DGKI: variants seen among roughly 807,000 people sequenced by gnomAD.
The protein encoded by DGKI is diacylglycerol kinase iota.
In DGKI, 55 loss-of-function variants were observed where a neutral mutation model predicts 147.5. That is an observed-to-expected ratio of 0.37 (90% CI 0.30 to 0.47). The LOEUF (loss-of-function observed/expected upper bound fraction) is 0.47. DGKI is among the 20% of genes least tolerant of loss of function. The pLI, the probability that DGKI is intolerant of heterozygous loss-of-function variation, is 1.00. For synonymous variants in DGKI, 469 were observed against 477.1 expected, an observed-to-expected ratio of 0.98 and a Z score of 0.22; for missense variants, 1,007 against 1,323.8, an observed-to-expected ratio of 0.76 and a Z score of 3.71.
chr7:137,658,144 C>G (rs535820130), intron 3 of DGKI, among the ~76,000 whole-genome samples: 1 of 152,252 alleles, frequency 6.6e-6, no homozygotes, highest in Admixed American at 6.5e-5. Flanking sequence ...TGAACAGTGT[C>G]TTGTTCTACT....
At chr7:137,830,537 A>C (rs1563217714) in intron 1 of DGKI, among the ~76,000 whole-genome samples, 1 of 152,202 alleles carries the variant, frequency 6.6e-6, no homozygotes, top group East Asian at 1.9e-4. Context: ...TTAGTGCTGC[A>C]TTTTTATGAA....
chr7:137,633,346 C>A (rs1404258967), intron 6 of DGKI, among the ~76,000 whole-genome samples: 2 of 151,818 alleles, frequency 1.3e-5, no homozygotes, highest in African/African-American at 2.4e-5. Context: ...GACTTGGAAA[C>A]TGGCACAACC....
chr7:137,434,565 A>G (rs1182749805), intron 28 of DGKI, among the ~76,000 whole-genome samples: 1 of 152,236 alleles, frequency 6.6e-6, no homozygotes, highest in African/African-American at 2.4e-5. Flanking sequence ...TGGGTGACAG[A>G]GCAAGACTTC....
intron 27 of DGKI, among the ~76,000 whole-genome samples, chr7:137,455,840 T>C (rs944636709): frequency 1.3e-5 from 2 of 152,080 alleles, no homozygotes; most frequent in Non-Finnish European, 2.9e-5. Flanking sequence ...CCCTCTCACA[T>C]TCCTCAACTC....
chr7:137,638,745 CTA>C (rs1163627160), intron 6 of DGKI, among the ~76,000 whole-genome samples: 1 of 148,414 alleles, frequency 6.7e-6, no homozygotes, highest in Admixed American at 6.7e-5. Flanking sequence ...ATGTAAATAA[CTA>C]TAACATGTTA....
At chr7:137,594,069 CAG>C (rs1302724831) in intron 12 of DGKI, among the ~76,000 whole-genome samples, 1 of 152,148 alleles carries the variant, frequency 6.6e-6, no homozygotes, top group Admixed American at 6.5e-5. Flanking sequence ...TTTCTTGAGA[CAG>C]AGTCTCACTG....
intron 1 of DGKI, among the ~76,000 whole-genome samples, chr7:137,752,760 C>A (rs559679058): frequency 6.6e-6 from 1 of 152,238 alleles, no homozygotes; most frequent in South Asian, 2.1e-4. Context: ...GAACAGGAAT[C>A]GCTCACTTGG....
intron 7 of DGKI, among the ~76,000 whole-genome samples, chr7:137,622,271 C>T (rs772020313): frequency 6.6e-6 from 1 of 152,132 alleles, no homozygotes; most frequent in Non-Finnish European, 1.5e-5. Context: ...ATGTCCATTT[C>T]ATATGTTTCA....
chr7:137,842,229 A>G (rs1798565412), intron 1 of DGKI, among the ~76,000 whole-genome samples: 1 of 152,232 alleles, frequency 6.6e-6, no homozygotes, highest in African/African-American at 2.4e-5. Context: ...ATTGATTACA[A>G]TGCAAGGAAG....
At chr7:137,523,395 CATAT>C (rs1295019219) in intron 20 of DGKI, among the ~76,000 whole-genome samples, 1 of 152,030 alleles carries the variant, frequency 6.6e-6, no homozygotes, top group East Asian at 1.9e-4. Context: ...ACTATAGATA[CATAT>C]GTGCACACTC....
chr7:137,646,915 T>G (rs1269625338), intron 5 of DGKI, among the ~76,000 whole-genome samples: 1 of 152,060 alleles, frequency 6.6e-6, no homozygotes, highest in African/African-American at 2.4e-5. Flanking sequence ...CCACCTCTAT[T>G]TCTCTTAATA....
rs192412879 is a variant in DGKI, at chr7:137,578,366, T to C, written c.1643-41A>G. 2.5e-3 allele frequency: 3,723 copies of C among 1,491,670 alleles called. 15 individuals carry two copies. The highest frequency in any genetic ancestry group is 3.2e-3 in the Non-Finnish European group (3,470 of 1,068,954). 92.4% of individuals were successfully genotyped at this position (1,491,670 alleles called of 1,614,324 possible). A position where few individuals can be genotyped will look rare whatever the true frequency, so the allele number is the denominator to read the frequency against. On this transcript the variant is annotated intron_variant, in intron 15 of 32. Coordinates refer to ENST00000614521, the MANE Select transcript of DGKI (RefSeq NM_001321708.2). ...AGTAGTTTTGTTATGGAGACCTCACTAAAGGTAGCGACTTAGATTAGCACT... is the reference window on the plus strand; with the variant it reads ...AGTAGTTTTGTTATGGAGACCTCACCAAAGGTAGCGACTTAGATTAGCACT...
chr7:137,795,096 G>A (rs1031194490), intron 1 of DGKI, among the ~76,000 whole-genome samples: 4 of 152,174 alleles, frequency 2.6e-5, no homozygotes, highest in Non-Finnish European at 4.4e-5. Flanking sequence ...CTGAAAGTAT[G>A]AGAGCAGTTG....
At chr7:137,449,380 A>C (rs1813860882) in intron 27 of DGKI, among the ~76,000 whole-genome samples, 1 of 152,230 alleles carries the variant, frequency 6.6e-6, no homozygotes, top group African/African-American at 2.4e-5. Flanking sequence ...AAGAATACAT[A>C]ATAAGGAAAG....
chr7:137,510,893 G>A (rs893933564), intron 21 of DGKI, among the ~76,000 whole-genome samples: 2 of 152,192 alleles, frequency 1.3e-5, no homozygotes, highest in African/African-American at 4.8e-5. Flanking sequence ...ATGTGAAATA[G>A]GGCAGTCTCA....
intron 21 of DGKI, among the ~76,000 whole-genome samples, chr7:137,521,584 C>T (rs537124453): frequency 6.6e-6 from 1 of 152,172 alleles, no homozygotes; most frequent in African/African-American, 2.4e-5. Context: ...TTTTGCTTTC[C>T]TCATTTTAGG....
intron 1 of DGKI, among the ~76,000 whole-genome samples, chr7:137,720,638 A>C (rs527461090): frequency 1.3e-5 from 2 of 152,166 alleles, no homozygotes; most frequent in South Asian, 4.1e-4. Flanking sequence ...AAAGCCCCAT[A>C]TTTATTACCT....
chr7:137,755,845 A>C (rs1002699246), intron 1 of DGKI, among the ~76,000 whole-genome samples: 1 of 152,162 alleles, frequency 6.6e-6, no homozygotes, highest in African/African-American at 2.4e-5. Flanking sequence ...ATAAACTCTA[A>C]GTGTTGGCAT....
At chr7:137,522,982 A>C (rs893002856) in intron 20 of DGKI, among the ~76,000 whole-genome samples, 5 of 152,082 alleles carry the variant, frequency 3.3e-5, no homozygotes, top group African/African-American at 1.2e-4. Flanking sequence ...GTCATTGACT[A>C]AAGTAGAAAG....
Sources: allele counts gnomAD v4.1 joint callset (sites outside exome capture counted in the v4.1 genomes callset), GRCh38; gene constraint gnomAD v4.1.1; transcripts MANE v1.5; gene names NCBI Gene and HGNC (gene_info 2026-07-23, HGNC 2026-07-21).